Variants in ADAMTS19 observed in about 807,000 individuals in gnomAD.
ADAMTS19 encodes A disintegrin and metalloproteinase with thrombospondin motifs 19.
In ADAMTS19, 93 loss-of-function variants were observed where a neutral mutation model predicts 153.3. That is an observed-to-expected ratio of 0.61 (90% CI 0.51 to 0.72). The LOEUF is 0.72. Ranked by LOEUF, ADAMTS19 falls within the 30% of genes least tolerant of loss-of-function variation. ADAMTS19 has a pLI of 0.00. For missense variants in ADAMTS19, 1,482 were observed against 1,552.1 expected, an observed-to-expected ratio of 0.95 and a Z score of 0.76; for synonymous variants, 600 against 556.6, an observed-to-expected ratio of 1.08 and a Z score of -1.10.
chr5:129,528,543 T>C lies in ADAMTS19; in HGVS notation c.1194T>C (p.His398=), dbSNP rs767690563. Residue 398 remains histidine, a synonymous_variant, in exon 6 of 23, where the codon CAT becomes CAC. Transcript: ENST00000274487. The stretch of plus-strand genomic sequence containing the variant: ...AGCCAGAACTATATATTGGGCATCA[T>C]GGAGAAAAAATGCTAGAGAGTTTTT... ...ETPPELYIGH[H]GEKMLESFCK... 2 of 1,602,144 alleles carry C rather than the reference T, an allele frequency of 1.2e-6. No individual in the cohort carries two copies. The highest frequency in any genetic ancestry group is 2.3e-5 in the East Asian group (1 of 43,928).
intron 2 of ADAMTS19, among the ~76,000 whole-genome samples, chr5:129,471,687 T>G (rs774701317): frequency 3.2e-4 from 48 of 152,114 alleles, no homozygotes; most frequent in Non-Finnish European, 5.7e-4. Context: ...TTATTTTTTC[T>G]TATCCTTTCC....
At chr5:129,581,301 G>T (rs904688157) in intron 7 of ADAMTS19, among the ~76,000 whole-genome samples, 1 of 151,862 alleles carries the variant, frequency 6.6e-6, no homozygotes, top group African/African-American at 2.4e-5. Flanking sequence ...TGTATTCAGG[G>T]ATTTGACTTC....
At chr5:129,496,377 G>A (rs1285878157) in intron 2 of ADAMTS19, among the ~76,000 whole-genome samples, 1 of 152,088 alleles carries the variant, frequency 6.6e-6, no homozygotes, top group African/African-American at 2.4e-5. Flanking sequence ...TTAACACAGA[G>A]TATACACTCA....
At chr5:129,596,453 A>AAT in intron 7 of ADAMTS19, 106 bp from the exon 8 acceptor site, 1 of 762,700 alleles carries the variant, frequency 1.3e-6, no homozygotes, top group African/African-American at 1.8e-5. Context: ...ATTAATACTG[A>AAT]CATTTTAGTC....
intron 7 of ADAMTS19, among the ~76,000 whole-genome samples, chr5:129,568,681 G>T (rs914631497): frequency 5.9e-5 from 9 of 151,962 alleles, no homozygotes; most frequent in African/African-American, 1.9e-4. Flanking sequence ...AATTAGCCAG[G>T]CATGGTATTG....
rs1754955458 is a variant in ADAMTS19, at chr5:129,684,111, A to T, written c.2665-9A>T. The T allele has an allele frequency of 1.2e-6, 2 of 1,609,704 alleles. No homozygotes were observed. The highest frequency in any genetic ancestry group is 1.7e-6 in the Non-Finnish European group (2 of 1,178,108). On this transcript the variant is annotated splice_polypyrimidine_tract_variant and intron_variant, in intron 17 of 22. Coordinates refer to ENST00000274487, the MANE Select transcript of ADAMTS19 (RefSeq NM_133638.6). ...ACCCATCTGCCTTGATCATTTTTGT[A>T]TACTATAGGTGCTCCTGTTTCAGGA...
intron 7 of ADAMTS19, among the ~76,000 whole-genome samples, chr5:129,563,638 T>C (rs781215618): frequency 1.5e-4 from 23 of 152,326 alleles, no homozygotes; most frequent in Non-Finnish European, 2.6e-4. Flanking sequence ...ATGGGTAAAC[T>C]TTTATAAAAA....
At chr5:129,658,375 G>GGA (rs1753681134) in intron 14 of ADAMTS19, among the ~76,000 whole-genome samples, 2 of 148,802 alleles carry the variant, frequency 1.3e-5, no homozygotes, top group East Asian at 1.9e-4. Flanking sequence ...GAAAGAGAGA[G>GGA]AGGAAGGAAG....
chr5:129,559,315 C>A (rs917124249), intron 7 of ADAMTS19, among the ~76,000 whole-genome samples: 1 of 151,608 alleles, frequency 6.6e-6, no homozygotes, highest in African/African-American at 2.4e-5. Context: ...AAGAAACAAA[C>A]AAGGAAGTAG....
chr5:129,710,219 A>T (rs1756379889), intron 21 of ADAMTS19, among the ~76,000 whole-genome samples: 1 of 152,090 alleles, frequency 6.6e-6, no homozygotes, highest in Non-Finnish European at 1.5e-5. Flanking sequence ...GAGAACATTC[A>T]GTGTTTGCTT....
chr5:129,649,399 C>T (rs868840834), intron 13 of ADAMTS19, among the ~76,000 whole-genome samples: 1 of 152,330 alleles, frequency 6.6e-6, no homozygotes, highest in Non-Finnish European at 1.5e-5. Flanking sequence ...ACTATTAATA[C>T]ATGCAACAAC....
chr5:129,613,830 C>A (rs74909847), intron 8 of ADAMTS19, among the ~76,000 whole-genome samples: 4 of 151,544 alleles, frequency 2.6e-5, no homozygotes, highest in East Asian at 3.9e-4. Context: ...TCAAATAGAC[C>A]CAATAAAAAA....
intron 8 of ADAMTS19, among the ~76,000 whole-genome samples, chr5:129,617,924 T>G (rs919758450): frequency 2.0e-5 from 3 of 152,052 alleles, no homozygotes; most frequent in African/African-American, 7.2e-5. Flanking sequence ...TATAATAAAA[T>G]TTCTCTGATT....
intron 16 of ADAMTS19, among the ~76,000 whole-genome samples, chr5:129,677,194 G>A (rs1754588098): frequency 6.6e-6 from 1 of 152,040 alleles, no homozygotes; most frequent in Non-Finnish European, 1.5e-5. Flanking sequence ...AAGTAGATTG[G>A]GCCCAGCACA....
At chr5:129,501,404 A>G (rs1751102466) in intron 2 of ADAMTS19, among the ~76,000 whole-genome samples, 1 of 152,208 alleles carries the variant, frequency 6.6e-6, no homozygotes, top group South Asian at 2.1e-4. Flanking sequence ...GCCTTAATGT[A>G]CTATTTTTGT....
At chr5:129,656,933 T>C (rs1753572430) in intron 14 of ADAMTS19, among the ~76,000 whole-genome samples, 1 of 152,210 alleles carries the variant, frequency 6.6e-6, no homozygotes, top group Admixed American at 6.5e-5. Flanking sequence ...AAGATACTTT[T>C]ATCATTTCAA....
intron 12 of ADAMTS19, 42 bp downstream of exon 12, chr5:129,647,937 T>C (rs1306559607): frequency 3.8e-6 from 6 of 1,582,614 alleles, no homozygotes; most frequent in Non-Finnish European, 5.2e-6. Flanking sequence ...ACTTTTCAAT[T>C]TTGGAATGCA....
At position 129,733,955 on chromosome 5, in the gene ADAMTS19, G is replaced by A. The variant is rs1466444948; in HGVS notation, c.3313-977G>A. 5.5e-4 allele frequency among the ~76,000 whole-genome samples: 4 copies of A among 7,290 alleles called. No homozygotes were observed. In the East Asian group the frequency reaches 0.01, roughly 18 times the overall value. 4.8% of individuals were successfully genotyped at this position (7,290 alleles called of 152,430 possible). Reference sequence around the variant, plus strand: ...AAAGCAAGTGTGTGCGTGTGTGTGTGTGTGTGTGTGTGTGTGTGTGTGTGT... The same window carrying A: ...AAAGCAAGTGTGTGCGTGTGTGTGTATGTGTGTGTGTGTGTGTGTGTGTGT... On this transcript the variant is annotated intron_variant, in intron 21 of 22. Coordinates refer to ENST00000274487, the MANE Select transcript of ADAMTS19 (RefSeq NM_133638.6).
At chr5:129,706,905 ATATG>A (rs1369423428) in intron 21 of ADAMTS19, among the ~76,000 whole-genome samples, 2 of 152,178 alleles carry the variant, frequency 1.3e-5, no homozygotes, top group Non-Finnish European at 2.9e-5. Context: ...TTTTATGAAT[ATATG>A]TATGTAATTC....
Sources: gnomAD v4.1 joint callset for allele counts (sites outside exome capture counted in the v4.1 genomes callset) on GRCh38, gnomAD v4.1.1 for gene constraint, MANE v1.5 for transcripts, NCBI Gene and HGNC (gene_info 2026-07-23, HGNC 2026-07-21) for gene names.